TOGARAM2: variants seen among roughly 807,000 people sequenced by gnomAD.
TOGARAM2 encodes the protein TOG array regulator of axonemal microtubules protein 2.
TOGARAM2 carries 85 observed loss-of-function variants against 93.3 expected under a neutral mutation model. That is an observed-to-expected ratio of 0.91 (90% CI 0.76 to 1.09). TOGARAM2 has a LOEUF of 1.09. Ranked by LOEUF, TOGARAM2 falls within the 50% of genes least tolerant of loss-of-function variation. The pLI is 0.00. For missense variants in TOGARAM2, 1,277 were observed against 1,334.5 expected, an observed-to-expected ratio of 0.96 and a Z score of 0.67; for synonymous variants, 593 against 552.8, an observed-to-expected ratio of 1.07 and a Z score of -1.02.
At chr2:28,975,484 G>A (rs1009416714) in intron 1 of TOGARAM2, among the ~76,000 whole-genome samples, 2 of 152,164 alleles carry the variant, frequency 1.3e-5, no homozygotes, top group Non-Finnish European at 2.9e-5. Flanking sequence ...CAGTGTGCGA[G>A]CCACTGCGCC....
At chr2:28,957,265 G>A (rs1334668087) in intron 1 of TOGARAM2, among the ~76,000 whole-genome samples, 1 of 151,452 alleles carries the variant, frequency 6.6e-6, no homozygotes, top group African/African-American at 2.4e-5. Context: ...GCGTGATTTC[G>A]GCTCACTGCA....
intron 2 of TOGARAM2, 42 bp downstream of exon 2, chr2:28,994,904 G>T: frequency 6.4e-7 from 1 of 1,550,990 alleles, no homozygotes; most frequent in Non-Finnish European, 8.7e-7. Flanking sequence ...TGTTTTCCAG[G>T]CTAGGGGACC....
At chr2:28,992,408 G>A (rs1286496349) in intron 1 of TOGARAM2, among the ~76,000 whole-genome samples, 2 of 152,268 alleles carry the variant, frequency 1.3e-5, no homozygotes, top group African/African-American at 2.4e-5. Flanking sequence ...TGGAGGGGAT[G>A]CTTTGGCGAG....
chr2:28,986,162 G>A (rs1017882585), intron 1 of TOGARAM2, among the ~76,000 whole-genome samples: 2 of 147,946 alleles, frequency 1.4e-5, no homozygotes, highest in Admixed American at 6.7e-5. Context: ...CCTTAATTAG[G>A]ATGCCCTCGT....
chr2:29,009,467 G>A (rs1553339832), intron 6 of TOGARAM2, among the ~76,000 whole-genome samples: 1 of 150,630 alleles, frequency 6.6e-6, no homozygotes, highest in Non-Finnish European at 1.5e-5. Flanking sequence ...GGAATCCGGG[G>A]AGAAGGCAAA....
At chr2:29,033,636 A>G (rs1451332227) in intron 16 of TOGARAM2, 73 bp downstream of exon 16, 10 of 1,462,144 alleles carry the variant, frequency 6.8e-6, no homozygotes, top group African/African-American at 1.4e-5. Flanking sequence ...GTCCATGGCC[A>G]GGGGTGGCTC....
chr2:28,997,308 A>G (rs1354703572), intron 2 of TOGARAM2, among the ~76,000 whole-genome samples: 1 of 152,260 alleles, frequency 6.6e-6, no homozygotes, highest in East Asian at 1.9e-4. Flanking sequence ...TTCTTAAAGG[A>G]GCGCATGCCT....
At chr2:29,051,396 A>G (rs1192207341) in intron 19 of TOGARAM2, 2 of 171,246 alleles carry the variant, frequency 1.2e-5, no homozygotes, top group Non-Finnish European at 1.2e-5. Flanking sequence ...GCAGGATTGT[A>G]ACCAGGCGTG....
At chr2:28,990,788 G>C (rs942631847) in intron 1 of TOGARAM2, among the ~76,000 whole-genome samples, 112 of 152,172 alleles carry the variant, frequency 7.4e-4, no homozygotes, top group African/African-American at 2.6e-3. Flanking sequence ...CATTCGCTTA[G>C]AAATGTGGGC....
chr2:28,970,099 C>T lies in TOGARAM2; in HGVS notation c.-147+13402C>T, dbSNP rs147877908. On this transcript the variant is annotated intron_variant, in intron 1 of 6. Transcript: ENST00000401723. Reference sequence around the variant, plus strand: ...GTGCTAGGATTACAGGCATGAGCCACCGTGCCCGACATCGGTTGTCTTGTA... The same window carrying T: ...GTGCTAGGATTACAGGCATGAGCCATCGTGCCCGACATCGGTTGTCTTGTA... 1.1e-4 allele frequency among the ~76,000 whole-genome samples: 16 copies of T among 151,882 alleles called. No individual in the cohort carries two copies. In the East Asian group the frequency reaches 3.1e-3, roughly 29 times the overall value.
At chr2:29,033,169 C>A in intron 15 of TOGARAM2, 118 bp downstream of exon 15, 3 of 796,414 alleles carry the variant, frequency 3.8e-6, no homozygotes, top group Middle Eastern at 3.2e-4. Flanking sequence ...ATGTTGATTT[C>A]ATCCACTACT....
Position 29,014,418 on chromosome 2 carries a change from A to G in TOGARAM2, c.901A>G (p.Ile301Val), listed in dbSNP as rs1288139451. ...AGAGCCAAAACCTTTGGCCTCACCCATCAGAGACAGGCCTGCCGCTGCCAA... is the reference window on the plus strand; with the variant it reads ...AGAGCCAAAACCTTTGGCCTCACCCGTCAGAGACAGGCCTGCCGCTGCCAA... The part of the protein sequence containing the change: ...SLEPKPLASP[I>V]RDRPAAAKKP... The change falls in exon 8 of 20, where the codon ATC becomes GTC. Residue 301 changes from isoleucine to valine, a missense_variant. Physicochemically the swap from Ile to Val is conservative, Grantham distance 29. Coordinates refer to ENST00000379558, the MANE Select transcript of TOGARAM2 (RefSeq NM_199280.4). 3.1e-6 allele frequency: 5 copies of G among 1,610,110 alleles called. No homozygotes were observed. Among genetic ancestry groups the G allele is most frequent in the Non-Finnish European group, 4.2e-6 (5 of 1,178,682 alleles).
chr2:28,997,804 C>T (rs1046341512), intron 2 of TOGARAM2, among the ~76,000 whole-genome samples: 1 of 151,966 alleles, frequency 6.6e-6, no homozygotes, highest in Non-Finnish European at 1.5e-5. Context: ...GGCACTCCAT[C>T]GGTCAATGAT....
At position 29,035,633 on chromosome 2, in the gene TOGARAM2, C is replaced by A. The variant is rs762645975; in HGVS notation, c.2395C>A (p.Leu799Ile). Residue 799 changes from leucine to isoleucine, a missense_variant, in exon 17 of 20, where the codon CTT (leucine) becomes ATT (isoleucine). Leu to Ile is a conservative substitution (Grantham distance 5, BLOSUM62 2). Coordinates refer to ENST00000379558, the MANE Select transcript of TOGARAM2 (RefSeq NM_199280.4). Reference protein sequence around the residue: ...LLELCKAKTELVTAHLVQVFD... With the variant: ...LLELCKAKTEIVTAHLVQVFD... ...GGAGCTCTGCAAGGCCAAGACGGAG[C>A]TTGTCACTGCCCACCTGGTCCAGGT... 12 of 1,522,838 alleles carry A rather than the reference C, an allele frequency of 7.9e-6. No homozygotes were observed. The African/African-American group carries it at 1.5e-4, about 19-fold the overall frequency. The allele number at this position is 1,522,838 out of a possible 1,614,324, so 94.3% of individuals were successfully genotyped here. A position where few individuals can be genotyped will look rare whatever the true frequency, so the allele number is the denominator to read the frequency against.
intron 14 of TOGARAM2, among the ~76,000 whole-genome samples, chr2:29,028,796 AGGTG>A (rs1487638544): frequency 6.6e-6 from 1 of 152,228 alleles, no homozygotes; most frequent in Admixed American, 6.5e-5. Flanking sequence ...AACAGGATGC[AGGTG>A]GTAAGGGTTT....
At chr2:28,979,621 G>T (rs1182847998), upstream of TOGARAM2, among the ~76,000 whole-genome samples, 3 of 152,198 alleles carry the variant, frequency 2.0e-5, no homozygotes, top group Non-Finnish European at 4.4e-5. Flanking sequence ...TGTGTCTCTA[G>T]CATTTGGCAC....
chr2:29,028,380 C>T (rs1026848869), intron 14 of TOGARAM2, among the ~76,000 whole-genome samples: 11 of 152,204 alleles, frequency 7.2e-5, no homozygotes, highest in Non-Finnish European at 1.2e-4. Context: ...CCTCCTCGGA[C>T]GTGCCCAGGA....
At chr2:29,008,459 AT>A (rs889168583) in intron 6 of TOGARAM2, among the ~76,000 whole-genome samples, 10 of 150,238 alleles carry the variant, frequency 6.7e-5, no homozygotes, top group Admixed American at 5.3e-4. Context: ...CCAATTAAAA[AT>A]ATATATATTT....
intron 9 of TOGARAM2, 35 bp from the exon 10 acceptor site, chr2:29,017,757 C>T (rs1372610362): frequency 1.9e-6 from 3 of 1,545,640 alleles, no homozygotes; most frequent in Middle Eastern, 3.4e-4. Flanking sequence ...GGAAAACAGA[C>T]CTGCCTAGTC....
Sources: allele counts gnomAD v4.1 joint callset (sites outside exome capture counted in the v4.1 genomes callset), GRCh38; gene constraint gnomAD v4.1.1; transcripts MANE v1.5; gene names NCBI Gene and HGNC (gene_info 2026-07-23, HGNC 2026-07-21).